The following ZNF106 variants were observed in gnomAD, a reference collection of about 807,000 sequenced individuals.
The protein encoded by ZNF106 is zinc finger protein 106.
A neutral mutation model predicts 195.1 loss-of-function variants in ZNF106; 67 were observed. The ratio of observed to expected loss-of-function variants is 0.34; its 90% CI spans 0.28 to 0.42. The LOEUF (loss-of-function observed/expected upper bound fraction) is 0.42. ZNF106 is among the 10% of genes least tolerant of loss of function. The pLI is 1.00. For missense variants in ZNF106, 2,118 were observed against 2,304.5 expected (o/e 0.92, Z 1.66); for synonymous variants, 784 against 818.6 (o/e 0.96, Z 0.72).
At position 42,442,526 on chromosome 15, in the gene ZNF106, A is replaced by G. The variant is rs138139772; in HGVS notation, c.3422-112T>C. ...TTAGAAAAGAATTATAAATAAGTAT[A>G]TTAGTATAGTCCCTCATAATTCTCC... On this transcript the variant is annotated intron_variant, in intron 9 of 21. Coordinates refer to ENST00000564754, the MANE Select transcript of ZNF106 (RefSeq NM_001366845.3). The G allele has an allele frequency of 3.2e-4, 268 of 829,330 alleles. 1 individual carries two copies. Among genetic ancestry groups the G allele is most frequent in the African/African-American group, 2.7e-3 (158 of 58,092 alleles). The allele number at this position is 829,330 out of a possible 1,614,324, so 51.4% of individuals were successfully genotyped here.
chr15:42,430,472 G>A (rs373284299), intron 14 of ZNF106, among the ~76,000 whole-genome samples: 6 of 151,942 alleles, frequency 3.9e-5, no homozygotes, highest in South Asian at 2.1e-4. Flanking sequence ...CTTGACCTCC[G>A]AGGCTCAAGG....
At position 42,489,393 on chromosome 15, in the gene ZNF106, TC is replaced by T. The variant is rs1253277904; in HGVS notation, c.-33+1586del. Among the ~76,000 whole-genome samples the T allele has an allele frequency of 1.3e-5, 2 of 152,008 alleles. 1 individual carries two copies. The highest frequency in any genetic ancestry group is 1.3e-4 in the Admixed American group (2 of 15,264). On this transcript the variant is annotated intron_variant, in intron 1 of 21. Transcript: ENST00000564754. Reference sequence around the variant, plus strand: ...TGTTTCTCCATGTCGGTCAGCCTGGTCTCAAACTCCTGACCTCAGGTGATCC... The same window carrying T: ...TGTTTCTCCATGTCGGTCAGCCTGGTTCAAACTCCTGACCTCAGGTGATCC...
chr15:42,436,017 G>A (rs772621004), intron 13 of ZNF106, among the ~76,000 whole-genome samples: 20 of 150,820 alleles, frequency 1.3e-4, no homozygotes, highest in East Asian at 3.9e-4. Context: ...GCAGTGGCGC[G>A]ATCTCAGCTC....
chr15:42,472,827 T>C (rs772041210), intron 1 of ZNF106, among the ~76,000 whole-genome samples: 1 of 152,012 alleles, frequency 6.6e-6, no homozygotes, highest in Non-Finnish European at 1.5e-5. Context: ...CTGGCCAACA[T>C]GGTGAAACCC....
intron 10 of ZNF106, chr15:42,441,796 T>C: frequency 3.9e-6 from 1 of 254,650 alleles, no homozygotes; most frequent in East Asian, 7.5e-5. Context: ...GAAACAAATT[T>C]TGTACTTATC....
rs776241470 is a variant in ZNF106, at chr15:42,450,546, G to A, written c.1726C>T (p.Leu576Phe). ...QCHESLQNPL[L>F]STSKSTRNYA... is the part of the protein sequence containing the mutation. Reference sequence around the variant, plus strand: ...TTCCTGGTACTTTTAGAAGTGCTAAGAAGTGGATTTTGCAATGACTCATGA... The same window carrying A: ...TTCCTGGTACTTTTAGAAGTGCTAAAAAGTGGATTTTGCAATGACTCATGA... The change falls in exon 5 of 22, where the codon CTT becomes TTT. Residue 576 changes from leucine (L) to phenylalanine (F), a missense_variant. Transcript: ENST00000564754. 4 of 1,614,024 alleles carry A rather than the reference G, an allele frequency of 2.5e-6. No homozygotes were observed. The African/African-American group carries it at 4.0e-5, about 16-fold the overall frequency.
At chr15:42,478,512 C>CTTTT (rs58475332) in intron 1 of ZNF106, among the ~76,000 whole-genome samples, 9 of 77,608 alleles carry the variant, frequency 1.2e-4, no homozygotes, top group South Asian at 4.6e-4. Context: ...TCCTCTTTTT[C>CTTTT]TTTTTTTTTT....
intron 20 of ZNF106, among the ~76,000 whole-genome samples, chr15:42,419,262 G>C (rs541573765): frequency 4.6e-5 from 7 of 152,216 alleles, no homozygotes; most frequent in African/African-American, 1.2e-4. Context: ...AGCTATCCAG[G>C]AGGCTGAGGC....
rs1452700985 is a variant in ZNF106 at position 42,491,085 on chromosome 15, C to G, written c.-138G>C. The G allele has an allele frequency of 6.6e-6, 1 of 152,168 alleles. No homozygotes were observed. The highest frequency in any genetic ancestry group is 2.4e-5 in the African/African-American group (1 of 41,426). 9.4% of individuals were successfully genotyped at this position (152,168 alleles called of 1,614,324 possible). A position where few individuals can be genotyped will look rare whatever the true frequency, so the allele number is the denominator to read the frequency against. ...CAGTTTTGGGTCCGGGAGCCTGCTC[C>G]GGACCCGCTCCCCGCCGGGCCCCGC... On this transcript the variant is annotated 5_prime_UTR_variant, in exon 1 of 22. Transcript: ENST00000564754.
chr15:42,485,411 G>A (rs757043579), intron 1 of ZNF106, among the ~76,000 whole-genome samples: 6 of 152,136 alleles, frequency 3.9e-5, no homozygotes, highest in Non-Finnish European at 7.4e-5. Flanking sequence ...CAACATTAAT[G>A]AGAAAAAATA....
At chr15:42,475,781 A>T (rs2056772644) in intron 1 of ZNF106, among the ~76,000 whole-genome samples, 1 of 152,226 alleles carries the variant, frequency 6.6e-6, no homozygotes, top group Non-Finnish European at 1.5e-5. Context: ...TGGTAAAGAT[A>T]CGTCCAGAAA....
intron 3 of ZNF106, among the ~76,000 whole-genome samples, chr15:42,461,851 T>TA (rs1223520656): frequency 1.3e-5 from 2 of 152,216 alleles, no homozygotes; most frequent in Non-Finnish European, 2.9e-5. Context: ...TAATGACTGA[T>TA]AATTATTTGT....
intron 13 of ZNF106, among the ~76,000 whole-genome samples, chr15:42,436,283 A>C (rs2055271376): frequency 6.6e-6 from 1 of 152,042 alleles, no homozygotes; most frequent in South Asian, 2.1e-4. Context: ...GTACATTCCA[A>C]ATGTTATCTC....
At chr15:42,446,770 C>T (rs2055789478) in intron 6 of ZNF106, 112 bp from the exon 7 acceptor site, 1 of 885,994 alleles carries the variant, frequency 1.1e-6, no homozygotes, top group Non-Finnish European at 1.7e-6. Flanking sequence ...CTATTGCTAC[C>T]ATCTCTAACA....
At chr15:42,454,158 T>C (rs2056148589) in intron 4 of ZNF106, among the ~76,000 whole-genome samples, 1 of 152,236 alleles carries the variant, frequency 6.6e-6, no homozygotes, top group Non-Finnish European at 1.5e-5. Flanking sequence ...GTCTATGATA[T>C]TTTGGACACA....
At chr15:42,469,760 C>A (rs2056619690) in intron 2 of ZNF106, among the ~76,000 whole-genome samples, 1 of 151,714 alleles carries the variant, frequency 6.6e-6, no homozygotes, top group Non-Finnish European at 1.5e-5. Flanking sequence ...ATCACCTGAG[C>A]CTGGGACACA....
rs548634251 is a variant in ZNF106 at position 42,454,701 on chromosome 15, T to C, written c.317+2257A>G. 4.0e-5 allele frequency among the ~76,000 whole-genome samples: 6 copies of C among 151,026 alleles called. No homozygotes were observed. In the South Asian group the frequency reaches 1.3e-3, roughly 32 times the overall value. ...AAGTTCGAGGCCAGCCTGGGTGACA[T>C]GGCTAAACCCCATCTCTACCAAAAA... On this transcript the variant is annotated intron_variant, in intron 4 of 21. Coordinates refer to ENST00000564754, the MANE Select transcript of ZNF106 (RefSeq NM_001366845.3).
Position 42,450,437 on chromosome 15 carries a change from T to C in ZNF106, c.1835A>G (p.Glu612Gly), listed in dbSNP as rs1480442097. Residue 612 changes from glutamate to glycine, a missense_variant, in exon 5 of 22, where the codon GAA becomes GGA. Coordinates refer to ENST00000564754, the MANE Select transcript of ZNF106 (RefSeq NM_001366845.3). ...CGTGTCAGATGTCTCTCCATCACTT[T>C]CATCTTCTAGTGCGTGCACTTGAAA... ...IEFQVHALED[E>G]SDGETSDTEK... 2 of 1,614,204 alleles carry C rather than the reference T, an allele frequency of 1.2e-6. No homozygotes were observed. Among genetic ancestry groups the C allele is most frequent in the Non-Finnish European group, 1.7e-6 (2 of 1,180,052 alleles).
At chr15:42,433,033 T>G (rs969226451) in intron 14 of ZNF106, among the ~76,000 whole-genome samples, 3 of 152,170 alleles carry the variant, frequency 2.0e-5, no homozygotes, top group African/African-American at 7.2e-5. Context: ...AATTTGCTAT[T>G]TGCTTTCTAT....
Sources: gnomAD v4.1 joint callset for allele counts (sites outside exome capture counted in the v4.1 genomes callset) on GRCh38, gnomAD v4.1.1 for gene constraint, MANE v1.5 for transcripts, NCBI Gene and HGNC (gene_info 2026-07-23, HGNC 2026-07-21) for gene names.